The following SRGAP3 variants were observed in gnomAD, a reference collection of about 807,000 sequenced individuals.
SRGAP3 encodes SLIT-ROBO Rho GTPase-activating protein 3.
A neutral mutation model predicts 121.1 loss-of-function variants in SRGAP3; 39 were observed. The observed-to-expected ratio is 0.32, with a 90% confidence interval of 0.25 to 0.42. SRGAP3 has a LOEUF of 0.42. Ranked by LOEUF, SRGAP3 falls within the 10% of genes least tolerant of loss-of-function variation. SRGAP3 has a pLI of 1.00. For synonymous variants in SRGAP3, 601 were observed against 570.0 expected (o/e 1.05, Z -0.77); for missense variants, 1,213 against 1,470.6 (o/e 0.82, Z 2.86).
intron 3 of SRGAP3, among the ~76,000 whole-genome samples, chr3:9,104,376 GCTCATCGTCATTCTTT>G (rs1948331959): frequency 6.6e-6 from 1 of 152,168 alleles, no homozygotes; most frequent in Non-Finnish European, 1.5e-5. Flanking sequence ...TTGTGTGTGT[GCTCATCGTCATTCTTT>G]AAAATTTTCT....
At chr3:9,343,426 C>T (rs556600809) in intron 1 of SRGAP3, among the ~76,000 whole-genome samples, 1 of 152,274 alleles carries the variant, frequency 6.6e-6, no homozygotes, top group South Asian at 2.1e-4. Context: ...AATCTCTCAT[C>T]CAGTCTCTCT....
chr3:9,141,477 T>C (rs1414340072), intron 1 of SRGAP3, among the ~76,000 whole-genome samples: 2 of 151,812 alleles, frequency 1.3e-5, no homozygotes, highest in Non-Finnish European at 2.9e-5. Flanking sequence ...CATGACCTCA[T>C]CCTGGCAACT....
chr3:9,176,263 G>A (rs1460411276), intron 1 of SRGAP3, among the ~76,000 whole-genome samples: 3 of 152,134 alleles, frequency 2.0e-5, no homozygotes, highest in Non-Finnish European at 2.9e-5. Context: ...TTTCTCTTCT[G>A]TAACACAGGG....
chr3:9,156,673 A>G (rs1007364771), intron 1 of SRGAP3, among the ~76,000 whole-genome samples: 1 of 152,160 alleles, frequency 6.6e-6, no homozygotes, highest in African/African-American at 2.4e-5. Context: ...CTTTCCCTTA[A>G]TGTATTCCAG....
intron 3 of SRGAP3, among the ~76,000 whole-genome samples, chr3:9,323,277 G>A (rs2125283150): frequency 6.6e-6 from 1 of 151,928 alleles, no homozygotes; most frequent in South Asian, 2.1e-4. Flanking sequence ...CTGTGTATGT[G>A]TGCAATTTTA....
chr3:9,157,015 C>T (rs2125067680), intron 1 of SRGAP3, among the ~76,000 whole-genome samples: 1 of 152,280 alleles, frequency 6.6e-6, no homozygotes, highest in African/African-American at 2.4e-5. Context: ...TTGATCTGAA[C>T]CTTTCAAGAT....
rs1283948761 is a variant in SRGAP3, at chr3:8,981,435, G to A, written c.*4084C>T. On this transcript the variant is annotated 3_prime_UTR_variant, in exon 22 of 22. Transcript: ENST00000383836. ...AGAGTGAGGCATTTGCACTAGTGTG[G>A]AACCATCTGGATGTGTGAAAAGTTA... 8.6e-6 allele frequency: 2 copies of A among 232,480 alleles called. No homozygotes were observed. The highest frequency in any genetic ancestry group is 4.4e-5 in the African/African-American group (2 of 45,296). The allele number at this position is 232,480 out of a possible 1,614,324, so 14.4% of individuals were successfully genotyped here. A position where few individuals can be genotyped will look rare whatever the true frequency, so the allele number is the denominator to read the frequency against.
rs1162431054 is a variant in SRGAP3, at chr3:9,109,810, G to A, written c.261-4968C>T. 6.6e-6 allele frequency among the ~76,000 whole-genome samples: 1 copy of A among 152,140 alleles called. No individual in the cohort carries two copies. On this transcript the variant is annotated intron_variant, in intron 2 of 21. Coordinates refer to ENST00000383836, the MANE Select transcript of SRGAP3 (RefSeq NM_014850.4). The surrounding 1 kb of genome is among the most constrained non-coding windows in gnomAD (Gnocchi z 4.4). ...AGCCGGACTGGAGTTTCACAGGGAG[G>A]AGCCTTCAAAGGGGAGAAATGTGAT... is the stretch of plus-strand genomic sequence containing the variant.
chr3:9,167,659 C>G (rs1202860077), intron 1 of SRGAP3, among the ~76,000 whole-genome samples: 1 of 152,182 alleles, frequency 6.6e-6, no homozygotes, highest in East Asian at 1.9e-4. Flanking sequence ...TAAGAAACAT[C>G]CCCAGATGTC....
chr3:8,986,656 T>C (rs1479671494), intron 21 of SRGAP3, among the ~76,000 whole-genome samples: 1 of 152,174 alleles, frequency 6.6e-6, no homozygotes, highest in African/African-American at 2.4e-5. Context: ...TCTTGGAGAT[T>C]ATGTATCAGA....
chr3:9,319,730 C>A (rs1955409465), intron 3 of SRGAP3, among the ~76,000 whole-genome samples: 1 of 151,730 alleles, frequency 6.6e-6, no homozygotes, highest in South Asian at 2.1e-4. Flanking sequence ...GGAAGTAAAT[C>A]AAAGTATTGG....
chr3:8,988,089 T>A (rs1183354780), intron 21 of SRGAP3, among the ~76,000 whole-genome samples: 1 of 152,124 alleles, frequency 6.6e-6, no homozygotes, highest in Non-Finnish European at 1.5e-5. Flanking sequence ...GCTGAGTTGT[T>A]TAGGCTGCAG....
chr3:9,161,576 A>G (rs1295487026), intron 1 of SRGAP3, among the ~76,000 whole-genome samples: 1 of 152,236 alleles, frequency 6.6e-6, no homozygotes, highest in Non-Finnish European at 1.5e-5. Flanking sequence ...TGGGCACTCA[A>G]TAAATGCTGA....
chr3:9,100,009 CCACGTGTGAGTCCAT>C (rs1948153518), intron 3 of SRGAP3, among the ~76,000 whole-genome samples: 4 of 152,232 alleles, frequency 2.6e-5, no homozygotes, highest in Admixed American at 6.5e-5. Context: ...CTAGCTGATG[CCACGTGTGAGTCCAT>C]GTGGGGCTGG....
chr3:9,259,998 G>A (rs1954219044), intron 3 of SRGAP3, among the ~76,000 whole-genome samples: 1 of 151,864 alleles, frequency 6.6e-6, no homozygotes, highest in Non-Finnish European at 1.5e-5. Context: ...GCCCACAGAG[G>A]GCAAGCAGAA....
chr3:9,196,315 T>C (rs928762137), intron 1 of SRGAP3, among the ~76,000 whole-genome samples: 1 of 152,160 alleles, frequency 6.6e-6, no homozygotes, highest in Non-Finnish European at 1.5e-5. Flanking sequence ...TTAAGAAAGA[T>C]GTGTGGCTCT....
At chr3:9,290,609 A>C (rs188521125) in intron 3 of SRGAP3, among the ~76,000 whole-genome samples, 148 of 152,322 alleles carry the variant, frequency 9.7e-4, no homozygotes, top group African/African-American at 3.3e-3. Flanking sequence ...GTGTGGTCCA[A>C]GCTCTACCCT....
intron 10 of SRGAP3, among the ~76,000 whole-genome samples, chr3:9,038,926 C>T (rs1043754751): frequency 6.6e-6 from 1 of 152,186 alleles, no homozygotes; most frequent in African/African-American, 2.4e-5. Flanking sequence ...CCCATTTCTC[C>T]TTCCAGCTAC....
chr3:9,123,728 A>ATGTGTGTGTGTGTGTGTG (rs1949108350), intron 2 of SRGAP3, among the ~76,000 whole-genome samples: 2 of 109,524 alleles, frequency 1.8e-5, no homozygotes, highest in Non-Finnish European at 3.6e-5. Context: ...ATATATATGT[A>ATGTGTGTGTGTGTGTGTG]TATATGTGTG....
Sources: gnomAD v4.1 joint callset for allele counts (sites outside exome capture counted in the v4.1 genomes callset) on GRCh38, gnomAD v4.1.1 for gene constraint, Gnocchi (gnomAD v3.1) non-coding constraint, MANE v1.5 for transcripts, NCBI Gene and HGNC (gene_info 2026-07-23, HGNC 2026-07-21) for gene names.